ERC1: variants seen among roughly 807,000 people sequenced by gnomAD.
ERC1 encodes the protein RAB6 interacting protein 2.
ERC1 carries 56 observed loss-of-function variants against 132.0 expected under a neutral mutation model. That is an observed-to-expected ratio of 0.42 (90% CI 0.34 to 0.53). The LOEUF (loss-of-function observed/expected upper bound fraction) is 0.53, where lower values mean the gene tolerates loss of function less well. Among genes scored for constraint, ERC1 ranks in the 20% least tolerant of loss-of-function variants. ERC1 has a pLI of 0.03. For missense variants in ERC1, 1,202 were observed against 1,349.9 expected (o/e 0.89, Z 1.72); for synonymous variants, 478 against 476.1 (o/e 1.00, Z -0.05).
At position 1,494,086 on chromosome 12, in the gene ERC1, A is replaced by C; in HGVS notation, c.*3856A>C. 1 of 232,220 alleles carries C rather than the reference A, an allele frequency of 4.3e-6. No individual in the cohort carries two copies. The highest frequency in any genetic ancestry group is 6.1e-5 in the East Asian group (1 of 16,440). The allele number at this position is 232,220 out of a possible 1,614,324, so 14.4% of individuals were successfully genotyped here. ...CCTCAGAGTCTTTGAGGAAAGAGCCAAGCAGAGAAGACCGCTGCGTGGAGT... is the reference window on the plus strand; with the variant it reads ...CCTCAGAGTCTTTGAGGAAAGAGCCCAGCAGAGAAGACCGCTGCGTGGAGT... On this transcript the variant is annotated 3_prime_UTR_variant, in exon 19 of 19. Transcript: ENST00000360905.
intron 8 of ERC1, among the ~76,000 whole-genome samples, chr12:1,143,721 C>T (rs1950077305): frequency 6.6e-6 from 1 of 151,666 alleles, no homozygotes; most frequent in Admixed American, 6.6e-5. Flanking sequence ...AGAGAATTGA[C>T]AAGAATGGGG....
chr12:1,004,141 C>G (rs1963007448), intron 1 of ERC1, among the ~76,000 whole-genome samples: 1 of 152,150 alleles, frequency 6.6e-6, no homozygotes, highest in African/African-American at 2.4e-5. Context: ...CTCAGATAAG[C>G]TGCAGGTCAC....
At chr12:1,327,948 T>C (rs2082575258) in intron 15 of ERC1, among the ~76,000 whole-genome samples, 1 of 152,234 alleles carries the variant, frequency 6.6e-6, no homozygotes, top group African/African-American at 2.4e-5. Flanking sequence ...ACAACTTTTT[T>C]TCCCTTGCCT....
At position 1,208,957 on chromosome 12, in the gene ERC1, A is replaced by ATTTTTTT. The variant is rs538961813; in HGVS notation, c.2351+18928_2351+18934dup. ...AGGCACTTGCCACCACGCCCAGCTG[A>ATTTTTTT]TTTTTTTTTTTTTTTTTTTTTTTTT... On this transcript the variant is annotated intron_variant, in intron 12 of 18. Coordinates refer to ENST00000360905, the MANE Select transcript of ERC1 (RefSeq NM_178040.4). Among the ~76,000 whole-genome samples the ATTTTTTT allele has an allele frequency of 1.5e-4, 11 of 71,610 alleles. 1 individual carries two copies. Among genetic ancestry groups the ATTTTTTT allele is most frequent in the African/African-American group, 5.6e-4 (9 of 15,950 alleles). 47.0% of individuals were successfully genotyped at this position (71,610 alleles called of 152,430 possible).
At chr12:1,410,644 C>CTTT (rs200087458) in intron 17 of ERC1, among the ~76,000 whole-genome samples, 2 of 126,930 alleles carry the variant, frequency 1.6e-5, no homozygotes, top group African/African-American at 5.8e-5. Context: ...GATTTTGTGG[C>CTTT]TTTTTTTTTT....
At chr12:1,018,470 C>G (rs1217950726) in intron 1 of ERC1, among the ~76,000 whole-genome samples, 2 of 152,210 alleles carry the variant, frequency 1.3e-5, no homozygotes, top group Admixed American at 6.5e-5. Flanking sequence ...CTGCCTCGGC[C>G]TCCCAAAGTG....
chr12:1,130,427 T>A (rs1193262381), intron 7 of ERC1, among the ~76,000 whole-genome samples: 1 of 152,132 alleles, frequency 6.6e-6, no homozygotes, highest in African/African-American at 2.4e-5. Flanking sequence ...GCTTAAGGGG[T>A]CAAAGTAGGT....
At position 1,495,108 on chromosome 12, in the gene ERC1, C is replaced by T. The variant is rs528907918; in HGVS notation, c.*4878C>T. 34 of 229,824 alleles carry T rather than the reference C, an allele frequency of 1.5e-4. No homozygotes were observed. The highest frequency in any genetic ancestry group is 5.5e-4 in the African/African-American group (25 of 45,246). 14.2% of individuals were successfully genotyped at this position (229,824 alleles called of 1,614,324 possible). ...TGACCCCATAACCACCCTCACCCGA[C>T]GTGGGTTCTAGCTCAGTGTGCCTAA... On this transcript the variant is annotated 3_prime_UTR_variant, in exon 19 of 19. Coordinates refer to ENST00000360905, the MANE Select transcript of ERC1 (RefSeq NM_178040.4).
chr12:1,414,238 C>T (rs2091995136), intron 17 of ERC1, among the ~76,000 whole-genome samples: 1 of 152,160 alleles, frequency 6.6e-6, no homozygotes, highest in Admixed American at 6.5e-5. Context: ...TTATTTTTTA[C>T]TGTTCTAGGG....
At chr12:1,305,592 A>T (rs1261621239) in intron 15 of ERC1, among the ~76,000 whole-genome samples, 2 of 152,198 alleles carry the variant, frequency 1.3e-5, no homozygotes, top group Admixed American at 1.3e-4. Flanking sequence ...TGCTTTGGCT[A>T]AAGCTCAATA....
chr12:1,424,860 A>AGATC (rs1241637517), intron 17 of ERC1, among the ~76,000 whole-genome samples: 93 of 110,734 alleles, frequency 8.4e-4, no homozygotes, highest in Middle Eastern at 5.2e-3. Flanking sequence ...ATAGATAGAT[A>AGATC]GATCGATAGA....
intron 12 of ERC1, among the ~76,000 whole-genome samples, chr12:1,235,863 C>T (rs1000377786): frequency 6.6e-5 from 10 of 152,116 alleles, no homozygotes; most frequent in African/African-American, 2.4e-4. Flanking sequence ...CAGAGTGCAC[C>T]TAGCAGCATT....
chr12:1,114,266 C>CCG (rs2154209259), intron 6 of ERC1, among the ~76,000 whole-genome samples: 1 of 152,228 alleles, frequency 6.6e-6, no homozygotes, highest in South Asian at 2.1e-4. Flanking sequence ...TGTGATCCAC[C>CCG]CGCCTCGGCC....
chr12:1,161,217 A>G (rs148773006), intron 8 of ERC1, among the ~76,000 whole-genome samples: 143 of 152,254 alleles, frequency 9.4e-4, no homozygotes, highest in African/African-American at 3.2e-3. Flanking sequence ...CGAATGGTAT[A>G]CGGTGGGGCA....
At chr12:1,420,560 G>A (rs2092383915) in intron 17 of ERC1, among the ~76,000 whole-genome samples, 1 of 152,070 alleles carries the variant, frequency 6.6e-6, no homozygotes, top group Non-Finnish European at 1.5e-5. Context: ...AGTTCACACT[G>A]TTCTCCTGCC....
intron 8 of ERC1, among the ~76,000 whole-genome samples, chr12:1,162,778 A>G (rs779307420): frequency 6.6e-6 from 1 of 152,012 alleles, no homozygotes; most frequent in Non-Finnish European, 1.5e-5. Context: ...TCTGAATGTT[A>G]TTATTTTAAA....
intron 7 of ERC1, among the ~76,000 whole-genome samples, chr12:1,138,117 T>TAATACATATATATAATATAATTATATA (rs1351995861): frequency 2.6e-5 from 3 of 117,066 alleles, no homozygotes; most frequent in African/African-American, 7.1e-5. Context: ...ATAATTATAT[T>TAATACATATATATAATATAATTATATA]TAATACATAT....
At chr12:1,240,759 A>G (rs181150395) in intron 13 of ERC1, among the ~76,000 whole-genome samples, 40 of 152,226 alleles carry the variant, frequency 2.6e-4, no homozygotes, top group African/African-American at 8.7e-4. Flanking sequence ...AGAAAAATTA[A>G]TCCATAATAT....
intron 7 of ERC1, among the ~76,000 whole-genome samples, chr12:1,139,235 A>G (rs1407419395): frequency 1.3e-5 from 2 of 151,900 alleles, no homozygotes; most frequent in South Asian, 2.1e-4. Flanking sequence ...GCTGTATTCC[A>G]CCCTGGAGGT....
Sources: allele counts gnomAD v4.1 joint callset (sites outside exome capture counted in the v4.1 genomes callset), GRCh38; gene constraint gnomAD v4.1.1; transcripts MANE v1.5; gene names NCBI Gene and HGNC (gene_info 2026-07-23, HGNC 2026-07-21).